MS4A18: variants seen among roughly 807,000 people sequenced by gnomAD.
MS4A18 encodes the protein membrane-spanning 4-domains subfamily A member 18.
A neutral mutation model predicts 13.1 loss-of-function variants in MS4A18; 27 were observed. That is an observed-to-expected ratio of 2.06 (90% CI 1.52 to 2.84). The LOEUF (loss-of-function observed/expected upper bound fraction) is 2.84. MS4A18 is among the 30% of genes most tolerant of loss of function. The pLI, the probability that MS4A18 is intolerant of heterozygous loss-of-function variation, is 0.00. For synonymous variants in MS4A18, 126 were observed against 76.5 expected, an observed-to-expected ratio of 1.65 and a Z score of -3.38; for missense variants, 307 against 196.4, an observed-to-expected ratio of 1.56 and a Z score of -3.37.
chr11:60,728,583 C>G (rs1278799140), upstream of MS4A18, among the ~76,000 whole-genome samples: 3 of 150,286 alleles, frequency 2.0e-5, no homozygotes, highest in African/African-American at 4.9e-5. Context: ...GAGTGTGTGT[C>G]TGTCTGTCTG....
Position 60,736,951 on chromosome 11 carries a change from CTTTTTTT to C in MS4A18, c.592-17_592-11del. ...TTAACATGCTGCACAATTGGTCATT[CTTTTTTT>C]TTTTTTTTTGTCTGCGTAGTATATT... On this transcript the variant is annotated intron_variant, in intron 2 of 5. Coordinates refer to ENST00000529108, the Ensembl canonical transcript of MS4A18. 1 of 633,438 alleles carries C rather than the reference CTTTTTTT, an allele frequency of 1.6e-6. No homozygotes were observed. The highest frequency in any genetic ancestry group is 2.9e-5 in the East Asian group (1 of 34,034). 39.2% of individuals were successfully genotyped at this position (633,438 alleles called of 1,614,324 possible). A position where few individuals can be genotyped will look rare whatever the true frequency, so the allele number is the denominator to read the frequency against.
At chr11:60,730,474 G>A (rs1853237624) in intron 1 of MS4A18, among the ~76,000 whole-genome samples, 2 of 152,204 alleles carry the variant, frequency 1.3e-5, no homozygotes, top group South Asian at 4.1e-4. Flanking sequence ...TGGAGACTCA[G>A]AGATAACCAA....
intron 4 of MS4A18, among the ~76,000 whole-genome samples, chr11:60,740,573 C>T (rs1853400401): frequency 6.6e-6 from 1 of 152,198 alleles, no homozygotes; most frequent in East Asian, 1.9e-4. Context: ...GGTTTCCTAG[C>T]CAGTGCACTT....
upstream of MS4A18, among the ~76,000 whole-genome samples, chr11:60,726,933 C>G (rs191093938): frequency 6.9e-4 from 105 of 151,992 alleles, no homozygotes; most frequent in East Asian, 0.015. Flanking sequence ...CCCTTGCCCC[C>G]CAACCCTCCG....
At chr11:60,732,584 A>T (rs1853272274) in intron 1 of MS4A18, among the ~76,000 whole-genome samples, 3 of 151,946 alleles carry the variant, frequency 2.0e-5, no homozygotes, top group Admixed American at 2.0e-4. Flanking sequence ...AAAAAAAATT[A>T]GCCTGGCTGG....
chr11:60,738,757 G>C (rs7934847), intron 3 of MS4A18, 145 bp from the exon 5 acceptor site: 7,362 of 568,138 alleles, frequency 0.013, 394 homozygotes, highest in African/African-American at 0.12. Flanking sequence ...CCTCACTATC[G>C]CTAAAATAAA....
intron 1 of MS4A18, among the ~76,000 whole-genome samples, chr11:60,731,198 G>A (rs564562444): frequency 9.2e-5 from 14 of 152,144 alleles, no homozygotes; most frequent in South Asian, 2.1e-4. Flanking sequence ...ATGATATTGC[G>A]TAGTAATTAT....
downstream of MS4A18, among the ~76,000 whole-genome samples, chr11:60,744,676 A>C (rs1853461246): frequency 6.6e-6 from 1 of 152,238 alleles, no homozygotes; most frequent in Admixed American, 6.5e-5. Flanking sequence ...CAGTATAAAA[A>C]AAAATCTAAT....
At chr11:60,735,307 T>C (rs932699967) in intron 2 of MS4A18, among the ~76,000 whole-genome samples, 1 of 151,680 alleles carries the variant, frequency 6.6e-6, no homozygotes, top group Non-Finnish European at 1.5e-5. Context: ...CCCCGAGAGG[T>C]AACCACTATT....
chr11:60,732,968 G>A (rs541404950), intron 1 of MS4A18, among the ~76,000 whole-genome samples: 8 of 152,176 alleles, frequency 5.3e-5, no homozygotes, highest in South Asian at 2.1e-4. Flanking sequence ...AACTAACATC[G>A]AATGGTCTGA....
Position 60,734,408 on chromosome 11 carries a change from A to G in MS4A18, c.591+761A>G, listed in dbSNP as rs935209525. Among the ~76,000 whole-genome samples, 5 of 152,232 alleles carry G rather than the reference A, an allele frequency of 3.3e-5. No individual in the cohort carries two copies. In the East Asian group the frequency reaches 7.7e-4, roughly 23 times the overall value. ...ATTGTCAAACCATTTGGTAGCAGGA[A>G]GTTGGCCATGTTGGGTATACATACG... On this transcript the variant is annotated intron_variant, in intron 2 of 5. Coordinates refer to ENST00000529108, the Ensembl canonical transcript of MS4A18.
chr11:60,737,629 T>C (rs1590964449), intron 3 of MS4A18, among the ~76,000 whole-genome samples: 1 of 152,184 alleles, frequency 6.6e-6, no homozygotes, highest in East Asian at 1.9e-4. Context: ...CAGCAAAGTA[T>C]CTGGTCATGT....
chr11:60,740,650 G>A (rs1263256679), intron 4 of MS4A18, among the ~76,000 whole-genome samples: 1 of 152,196 alleles, frequency 6.6e-6, no homozygotes, highest in Non-Finnish European at 1.5e-5. Flanking sequence ...ATCTGGGAGA[G>A]GAAGCAAACA....
At chr11:60,731,038 G>T (rs551480497) in intron 1 of MS4A18, among the ~76,000 whole-genome samples, 9 of 152,186 alleles carry the variant, frequency 5.9e-5, no homozygotes, top group Non-Finnish European at 1.5e-5. Flanking sequence ...AGCTTGCAGT[G>T]AGCCGAGACA....
At chr11:60,734,939 G>C (rs922023903) in intron 2 of MS4A18, among the ~76,000 whole-genome samples, 3 of 151,906 alleles carry the variant, frequency 2.0e-5, no homozygotes, top group African/African-American at 7.3e-5. Flanking sequence ...GTGCCACCAT[G>C]CCCGGCTAAT....
intron 4 of MS4A18, among the ~76,000 whole-genome samples, chr11:60,740,280 G>A (rs1455793270): frequency 6.6e-6 from 1 of 152,238 alleles, no homozygotes; most frequent in Non-Finnish European, 1.5e-5. Context: ...GAGAAAGAGT[G>A]TGTAGGGATG....
intron 2 of MS4A18, among the ~76,000 whole-genome samples, chr11:60,735,500 A>ATTTTTT (rs56136215): frequency 7.3e-5 from 8 of 110,080 alleles, no homozygotes; most frequent in Non-Finnish European, 1.1e-4. Context: ...TGCCCGGCTA[A>ATTTTTT]TTTTTTTTTT....
chr11:60,731,957 T>C (rs1214217847), intron 1 of MS4A18, among the ~76,000 whole-genome samples: 3 of 152,148 alleles, frequency 2.0e-5, no homozygotes, highest in Admixed American at 1.3e-4. Context: ...ATTAATATAC[T>C]GATAAAGTGG....
intron 1 of MS4A18, 133 bp from the exon 3 acceptor site, chr11:60,733,401 T>C: frequency 1.6e-6 from 1 of 637,150 alleles, no homozygotes. Context: ...TTTGTATCCA[T>C]TTGGTCTGGG....
Sources: gnomAD v4.1 joint callset for allele counts (sites outside exome capture counted in the v4.1 genomes callset) on GRCh38, gnomAD v4.1.1 for gene constraint, MANE v1.5 for transcripts, NCBI Gene and HGNC (gene_info 2026-07-23, HGNC 2026-07-21) for gene names.